Variants in NALF1 observed in about 807,000 individuals in gnomAD.
The protein encoded by NALF1 is family with sequence similarity 155 member A.
In NALF1, 3 loss-of-function variants were observed where a neutral mutation model predicts 48.4. That is an observed-to-expected ratio of 0.06 (90% CI 0.03 to 0.16). NALF1 has a LOEUF of 0.16. NALF1 is among the 10% of genes least tolerant of loss of function. The probability of loss-of-function intolerance (pLI) is 1.00; values close to 1 mark genes in which losing one functional copy is unlikely to be tolerated. For synonymous variants in NALF1, 262 were observed against 245.7 expected (o/e 1.07, Z -0.62); for missense variants, 526 against 571.5 (o/e 0.92, Z 0.81).
rs867456080 is a variant in NALF1, at chr13:107,782,987, C to T, written c.915+82695G>A. ...GGAGGTGGGGGGTCAGCCCCCCGCC[C>T]GGCCAGCCGCCCCGTCCGGGAGGGA... is the stretch of plus-strand genomic sequence containing the variant. On this transcript the variant is annotated intron_variant, in intron 1 of 2. Transcript: ENST00000375915. Among the ~76,000 whole-genome samples, 1,125 of 146,604 alleles carry T rather than the reference C, an allele frequency of 7.7e-3. 21 individuals are homozygous for T. The highest frequency in any genetic ancestry group is 0.027 in the African/African-American group (1,053 of 38,902).
intron 1 of NALF1, among the ~76,000 whole-genome samples, chr13:107,627,744 T>C (rs1458404987): frequency 6.6e-6 from 1 of 152,092 alleles, no homozygotes; most frequent in African/African-American, 2.4e-5. Context: ...AGGCTATTAT[T>C]AGAAATATCA....
At chr13:107,346,368 C>T (rs1392371733) in intron 1 of NALF1, among the ~76,000 whole-genome samples, 1 of 152,118 alleles carries the variant, frequency 6.6e-6, no homozygotes, top group African/African-American at 2.4e-5. Flanking sequence ...AAGAGGCAGA[C>T]GCCACCTAAA....
intron 1 of NALF1, among the ~76,000 whole-genome samples, chr13:107,246,363 GA>G (rs1880584774): frequency 6.6e-6 from 1 of 151,878 alleles, no homozygotes; most frequent in Non-Finnish European, 1.5e-5. Flanking sequence ...CTTTTTTCAT[GA>G]AGAGAACAAA....
Position 107,866,063 on chromosome 13 carries a change from C to G in NALF1, c.534G>C (p.Ser178=), listed in dbSNP as rs760429123. The G allele has an allele frequency of 2.5e-6, 4 of 1,612,720 alleles. No individual in the cohort carries two copies. The highest frequency in any genetic ancestry group is 3.4e-6 in the Non-Finnish European group (4 of 1,179,986). ...CATTCTCCACCGTGAAGCACTGGCC[C>G]GAGGACGCGCCCTGGGGGTAACAAG... ...LETCYPQGAS[S]GQCFTVENAD... is the part of the protein sequence containing the mutation. The change falls in exon 1 of 3, where the codon TCG becomes TCC. Residue 178 remains serine, a synonymous_variant. Coordinates refer to ENST00000375915, the MANE Select transcript of NALF1 (RefSeq NM_001080396.3). The surrounding 1 kb of genome is among the most constrained non-coding windows in gnomAD (Gnocchi z 4.4).
chr13:107,549,507 A>C (rs188377948), intron 1 of NALF1, among the ~76,000 whole-genome samples: 1 of 152,300 alleles, frequency 6.6e-6, no homozygotes, highest in Non-Finnish European at 1.5e-5. Flanking sequence ...GAAGACATGT[A>C]TCTTCCAGAA....
intron 1 of NALF1, among the ~76,000 whole-genome samples, chr13:107,769,601 T>G (rs1439867856): frequency 6.1e-5 from 9 of 147,584 alleles, no homozygotes; most frequent in African/African-American, 1.2e-4. Flanking sequence ...GATGACGAGT[T>G]AGTGGGTTCA....
At chr13:107,537,911 G>A (rs926202414) in intron 1 of NALF1, among the ~76,000 whole-genome samples, 2 of 152,016 alleles carry the variant, frequency 1.3e-5, no homozygotes, top group African/African-American at 2.4e-5. Context: ...CCAGCTACTC[G>A]AGACACTGAG....
At chr13:107,591,949 T>C (rs1358898412) in intron 1 of NALF1, among the ~76,000 whole-genome samples, 1 of 151,940 alleles carries the variant, frequency 6.6e-6, no homozygotes, top group East Asian at 1.9e-4. Flanking sequence ...CGATTTCAAA[T>C]ATTTACCTAA....
intron 1 of NALF1, among the ~76,000 whole-genome samples, chr13:107,630,368 T>G (rs955442108): frequency 6.6e-6 from 1 of 152,092 alleles, no homozygotes; most frequent in Non-Finnish European, 1.5e-5. Context: ...TTCTGAACTA[T>G]TTTTTCTCCC....
chr13:107,377,733 G>A (rs375565464), intron 1 of NALF1, among the ~76,000 whole-genome samples: 2 of 152,168 alleles, frequency 1.3e-5, no homozygotes, highest in African/African-American at 4.8e-5. Flanking sequence ...CATGTCCCTG[G>A]GTCCTGCCCT....
intron 1 of NALF1, among the ~76,000 whole-genome samples, chr13:107,359,116 T>A (rs1883016339): frequency 6.6e-6 from 1 of 152,108 alleles, no homozygotes; most frequent in South Asian, 2.1e-4. Context: ...TGAAATTCTG[T>A]TCATTCCTCT....
In NALF1 at chr13:107,427,062, A is replaced by C. The variant is rs75857310; in HGVS notation, c.916-216307T>G. Among the ~76,000 whole-genome samples, 66 of 151,918 alleles carry C rather than the reference A, an allele frequency of 4.3e-4. No homozygotes were observed. The East Asian group carries it at 0.011, about 26-fold the overall frequency. The stretch of plus-strand genomic sequence containing the variant: ...ACCCCAATTATTATTATATATTCTA[A>C]CTTTGCATGTAGAAGAAATTAATAC... On this transcript the variant is annotated intron_variant, in intron 1 of 2. Coordinates refer to ENST00000375915, the MANE Select transcript of NALF1 (RefSeq NM_001080396.3).
chr13:107,310,183 G>A (rs922208420), intron 1 of NALF1, among the ~76,000 whole-genome samples: 2 of 152,142 alleles, frequency 1.3e-5, no homozygotes, highest in Admixed American at 1.3e-4. Context: ...GCCCAGGAAG[G>A]CGGATCACTT....
intron 1 of NALF1, among the ~76,000 whole-genome samples, chr13:107,674,848 G>A (rs1194160284): frequency 1.3e-5 from 2 of 152,164 alleles, no homozygotes; most frequent in Admixed American, 1.3e-4. Flanking sequence ...GGGAAAGTGT[G>A]TTGCCGAAAT....
At chr13:107,340,873 G>A (rs564352052) in intron 1 of NALF1, among the ~76,000 whole-genome samples, 20 of 152,178 alleles carry the variant, frequency 1.3e-4, no homozygotes, top group Middle Eastern at 3.4e-3. Context: ...AACTATATCT[G>A]TGAAGCTTGG....
At chr13:107,691,960 A>T (rs1881577869) in intron 1 of NALF1, among the ~76,000 whole-genome samples, 1 of 152,198 alleles carries the variant, frequency 6.6e-6, no homozygotes, top group South Asian at 2.1e-4. Context: ...TTTTTATCTT[A>T]ATCTCTGAGA....
chr13:107,340,489 T>TTC (rs1566489753), intron 1 of NALF1, among the ~76,000 whole-genome samples: 2 of 57,198 alleles, frequency 3.5e-5, no homozygotes, highest in African/African-American at 7.9e-5. Context: ...TTCTTTCTTT[T>TTC]TGTCTTTCTT....
At chr13:107,638,863 G>A (rs544368998) in intron 1 of NALF1, among the ~76,000 whole-genome samples, 6 of 152,244 alleles carry the variant, frequency 3.9e-5, no homozygotes, top group African/African-American at 1.2e-4. Flanking sequence ...AGAACAGTGG[G>A]CTACAGGAAG....
At chr13:107,363,261 G>A (rs1243247943) in intron 1 of NALF1, among the ~76,000 whole-genome samples, 1 of 152,142 alleles carries the variant, frequency 6.6e-6, no homozygotes, top group Non-Finnish European at 1.5e-5. Flanking sequence ...GATTCTTGAT[G>A]AGGTTGGTAA....
Sources: gnomAD v4.1 joint callset for allele counts (sites outside exome capture counted in the v4.1 genomes callset) on GRCh38, gnomAD v4.1.1 for gene constraint, Gnocchi (gnomAD v3.1) non-coding constraint, MANE v1.5 for transcripts, NCBI Gene and HGNC (gene_info 2026-07-23, HGNC 2026-07-21) for gene names.